SLC35H1: variants seen among roughly 807,000 people sequenced by gnomAD.
SLC35H1 encodes ovarian cancer-overexpressed gene 1 protein.
the SLC35H1 span, among the ~76,000 whole-genome samples, chr20:46,362,195 C>A: frequency 0.13 from 20,254 of 152,180 alleles, 2,125 homozygotes; most frequent in African/African-American, 0.29. Flanking sequence ...CTCCTGTAGG[C>A]CCACCACTGG....
chr20:46,348,031 C>T, the SLC35H1 span: 1 of 152,232 alleles, frequency 6.6e-6, no homozygotes, highest in African/African-American at 2.4e-5. Context: ...CTCAGCTTCC[C>T]CTCAACCTGT....
the SLC35H1 span, chr20:46,350,851 C>T: frequency 4.3e-6 from 7 of 1,613,830 alleles, no homozygotes; most frequent in Admixed American, 1.7e-5. Context: ...CTGATCTGAT[C>T]GCCCAGCAGA....
the SLC35H1 span, chr20:46,350,251 A>C: frequency 1.0e-6 from 1 of 986,664 alleles, no homozygotes; most frequent in Non-Finnish European, 1.5e-6. Flanking sequence ...GGCAAAAGTC[A>C]TGAGTCCCTG....
the SLC35H1 span, among the ~76,000 whole-genome samples, chr20:46,360,841 G>A: frequency 6.6e-6 from 1 of 152,198 alleles, no homozygotes; most frequent in African/African-American, 2.4e-5. Context: ...GAGCCACCGC[G>A]CCCGGCTGCA....
chr20:46,357,713 C>T, the SLC35H1 span: 61 of 1,613,912 alleles, frequency 3.8e-5, 1 homozygote, highest in East Asian at 4.5e-5. Context: ...CTGGACAGGG[C>T]GGAGAAGAGG....
the SLC35H1 span, chr20:46,357,650 C>T: frequency 9.3e-6 from 15 of 1,613,820 alleles, no homozygotes; most frequent in South Asian, 5.5e-5. Flanking sequence ...CTGAGGTAGT[C>T]GGCCCAGCTC....
the SLC35H1 span, chr20:46,352,650 T>C: frequency 5.2e-5 from 2 of 38,464 alleles, no homozygotes; most frequent in Admixed American, 2.5e-4. Flanking sequence ...GACGATGGGA[T>C]CCTAGCGGGA....
the SLC35H1 span, chr20:46,358,934 C>A: frequency 1.6e-6 from 1 of 618,274 alleles, no homozygotes; most frequent in East Asian, 2.8e-5. Flanking sequence ...TCAAGCTATT[C>A]TCCATGAACT....
chr20:46,351,972 C>T, the SLC35H1 span: 1 of 1,461,662 alleles, frequency 6.8e-7, no homozygotes, highest in Non-Finnish European at 9.3e-7. Flanking sequence ...GGTGCAGGAG[C>T]TGGGACTGAA....
the SLC35H1 span, chr20:46,354,890 A>C: frequency 6.2e-7 from 1 of 1,604,612 alleles, no homozygotes; most frequent in African/African-American, 1.3e-5. Flanking sequence ...ACCTTCAAAT[A>C]CAGCAAAGAG....
chr20:46,348,632 T>G, the SLC35H1 span: 1 of 152,190 alleles, frequency 6.6e-6, no homozygotes, highest in African/African-American at 2.4e-5. Flanking sequence ...GAATCTGAAT[T>G]AGAGGCAGAT....
chr20:46,356,430 G>C, the SLC35H1 span: 5 of 761,540 alleles, frequency 6.6e-6, no homozygotes, highest in Non-Finnish European at 6.6e-6. Flanking sequence ...GAGAGCTGCT[G>C]GGTGCCAGGG....
chr20:46,363,156 G>A, the SLC35H1 span: 1 of 152,192 alleles, frequency 6.6e-6, no homozygotes, highest in Non-Finnish European at 1.5e-5. Context: ...ACATTCTCCT[G>A]GTTTTTCTTC....
At chr20:46,359,371 G>A in the SLC35H1 span, among the ~76,000 whole-genome samples, 1 of 152,142 alleles carries the variant, frequency 6.6e-6, no homozygotes, top group South Asian at 2.1e-4. Context: ...TCTGTCCCCT[G>A]AGAGGCTACG....
At chr20:46,359,237 C>G in the SLC35H1 span, among the ~76,000 whole-genome samples, 1 of 152,232 alleles carries the variant, frequency 6.6e-6, no homozygotes, top group Non-Finnish European at 1.5e-5. Flanking sequence ...ATCTTCAGCT[C>G]AGAGGTCACT....
At chr20:46,357,762 G>T in the SLC35H1 span, 1 of 1,614,078 alleles carries the variant, frequency 6.2e-7, no homozygotes, top group Non-Finnish European at 8.5e-7. Flanking sequence ...TGAAGAGGGG[G>T]AAATGGAAGC....
At chr20:46,350,204 G>A in the SLC35H1 span, 2 of 554,458 alleles carry the variant, frequency 3.6e-6, no homozygotes, top group Non-Finnish European at 6.0e-6. Flanking sequence ...GGCTGGCCTG[G>A]TGCTCGCCCC....
At chr20:46,357,691 T>C in the SLC35H1 span, 1 of 1,614,134 alleles carries the variant, frequency 6.2e-7, no homozygotes, top group Non-Finnish European at 8.5e-7. Flanking sequence ...GCTGGAGCAC[T>C]GAACCAGCGC....
chr20:46,351,683 G>A, the SLC35H1 span, among the ~76,000 whole-genome samples: 1 of 152,252 alleles, frequency 6.6e-6, no homozygotes, highest in South Asian at 2.1e-4. Context: ...GATAGGGGCT[G>A]TTCAACCTGT....
Sources: allele counts gnomAD v4.1 joint callset (sites outside exome capture counted in the v4.1 genomes callset), GRCh38; gene constraint gnomAD v4.1.1; transcripts MANE v1.5; gene names NCBI Gene and HGNC (gene_info 2026-07-23, HGNC 2026-07-21).